Variants in MTCL1 observed in about 807,000 individuals in gnomAD.
The protein encoded by MTCL1 is microtubule cross-linking factor 1.
Under a neutral mutation model 141.4 loss-of-function variants are expected in MTCL1, and 79 were observed. The ratio of observed to expected loss-of-function variants is 0.56; its 90% CI spans 0.47 to 0.67. The LOEUF is 0.67. Ranked by LOEUF, MTCL1 falls within the 30% of genes least tolerant of loss-of-function variation. MTCL1 has a pLI of 0.00. For missense variants in MTCL1, 2,177 were observed against 2,113.9 expected, an observed-to-expected ratio of 1.03 and a Z score of -0.59; for synonymous variants, 914 against 875.8, an observed-to-expected ratio of 1.04 and a Z score of -0.77.
chr18:8,807,791 C>T (rs1436487379), intron 11 of MTCL1, among the ~76,000 whole-genome samples: 4 of 152,084 alleles, frequency 2.6e-5, no homozygotes, highest in East Asian at 1.9e-4. Context: ...CTGCTGAGAG[C>T]GTCTCTCGAG....
Position 8,806,889 on chromosome 18 carries a change from G to T in MTCL1, c.2437-4G>T, listed in dbSNP as rs367785279. 32 of 1,612,250 alleles carry T rather than the reference G, an allele frequency of 2.0e-5. 1 individual carries two copies. The South Asian group carries it at 2.5e-4, about 13-fold the overall frequency. Reference sequence around the variant, plus strand: ...TGGTGGAGCCTGACTCAGTGTTCCCGCAGGTGGTGGAAAACCAGCAGCTGT... The same window carrying T: ...TGGTGGAGCCTGACTCAGTGTTCCCTCAGGTGGTGGAAAACCAGCAGCTGT... On this transcript the variant is annotated splice_region_variant and splice_polypyrimidine_tract_variant and intron_variant, in intron 10 of 16. Coordinates refer to ENST00000359865, the Ensembl canonical transcript of MTCL1.
At chr18:8,752,616 G>A (rs1233275217) in intron 4 of MTCL1, among the ~76,000 whole-genome samples, 2 of 152,276 alleles carry the variant, frequency 1.3e-5, no homozygotes, top group East Asian at 3.9e-4. Flanking sequence ...TTCTTGGGGG[G>A]TAACTATTTA....
chr18:8,831,660 C>T (rs145457722), exon 17 of MTCL1: 118 of 1,550,606 alleles, frequency 7.6e-5, no homozygotes, highest in Non-Finnish European at 9.1e-5. Context: ...TCTCCAGGCC[C>T]GAGAGACCAG....
chr18:8,774,641 C>A (rs1381254445), intron 4 of MTCL1, among the ~76,000 whole-genome samples: 1 of 152,156 alleles, frequency 6.6e-6, no homozygotes, highest in Non-Finnish European at 1.5e-5. Context: ...GCGTAAGCCA[C>A]GACGCCCAGC....
chr18:8,724,571 C>A (rs900064685), intron 4 of MTCL1, among the ~76,000 whole-genome samples: 3 of 152,294 alleles, frequency 2.0e-5, no homozygotes, highest in Middle Eastern at 3.4e-3. Flanking sequence ...GTTTTCTCTA[C>A]ATGCCAAAAT....
intron 12 of MTCL1, among the ~76,000 whole-genome samples, chr18:8,815,236 T>C (rs1376150090): frequency 6.6e-6 from 1 of 151,758 alleles, no homozygotes; most frequent in Non-Finnish European, 1.5e-5. Context: ...TGTCCAACAA[T>C]GGTAGACTGG....
exon 15 of MTCL1, chr18:8,825,900 C>T: frequency 2.5e-6 from 4 of 1,612,366 alleles, no homozygotes; most frequent in Non-Finnish European, 3.4e-6. Context: ...CCAGAAGGGG[C>T]TGCGGGCCGG....
intron 4 of MTCL1, 69 bp from the exon 4 acceptor site, chr18:8,777,764 C>A: frequency 5.6e-6 from 8 of 1,420,492 alleles, no homozygotes; most frequent in Non-Finnish European, 7.9e-6. Flanking sequence ...CCCATGGGGA[C>A]GATGTTTGCT....
upstream of MTCL1, among the ~76,000 whole-genome samples, chr18:8,715,092 G>C (rs557858641): frequency 6.6e-6 from 1 of 152,130 alleles, no homozygotes; most frequent in Non-Finnish European, 1.5e-5. Flanking sequence ...CACCGCACCC[G>C]GCCCCTAATT....
In MTCL1 at chr18:8,822,339, G is replaced by A. The variant is rs1471828742; in HGVS notation, c.3188+841G>A. ...AAATGGAGTCTCGCTCTGTCTCCCAGGCTGGAGTACAGTGGCACAATCTTG... is the reference window on the plus strand; with the variant it reads ...AAATGGAGTCTCGCTCTGTCTCCCAAGCTGGAGTACAGTGGCACAATCTTG... On this transcript the variant is annotated intron_variant, in intron 14 of 16. Coordinates refer to ENST00000359865, the Ensembl canonical transcript of MTCL1. The surrounding 1 kb of genome is among the most constrained non-coding windows in gnomAD (Gnocchi z 4.6). 6.6e-6 allele frequency among the ~76,000 whole-genome samples: 1 copy of A among 152,042 alleles called. No individual in the cohort carries two copies. The highest frequency in any genetic ancestry group is 1.5e-5 in the Non-Finnish European group (1 of 68,032).
At chr18:8,730,266 A>G (rs1216200640) in intron 4 of MTCL1, among the ~76,000 whole-genome samples, 3 of 152,002 alleles carry the variant, frequency 2.0e-5, no homozygotes, top group African/African-American at 7.2e-5. Flanking sequence ...TGATCCCTCA[A>G]TGGCATTTTG....
intron 15 of MTCL1, among the ~76,000 whole-genome samples, chr18:8,827,590 C>T (rs2077065798): frequency 6.6e-6 from 1 of 152,166 alleles, no homozygotes; most frequent in South Asian, 2.1e-4. Context: ...TACTGTTACC[C>T]CATCCTTCTG....
At chr18:8,790,261 ATTT>A (rs1188166393) in intron 7 of MTCL1, among the ~76,000 whole-genome samples, 2 of 152,258 alleles carry the variant, frequency 1.3e-5, no homozygotes, top group African/African-American at 4.8e-5. Context: ...CATATATATT[ATTT>A]ATTAAAATTA....
chr18:8,761,812 A>G (rs1019957262), intron 4 of MTCL1, among the ~76,000 whole-genome samples: 3 of 152,188 alleles, frequency 2.0e-5, no homozygotes, highest in Non-Finnish European at 4.4e-5. Flanking sequence ...AGAACAGCAC[A>G]GGAAAGACCT....
exon 13 of MTCL1, chr18:8,819,028 T>C: frequency 6.2e-7 from 1 of 1,614,244 alleles, no homozygotes; most frequent in Non-Finnish European, 8.5e-7. Flanking sequence ...ACGGCAACGT[T>C]CGCCCCTTTC....
At chr18:8,808,770 G>A (rs1679467663) in intron 11 of MTCL1, among the ~76,000 whole-genome samples, 4 of 152,244 alleles carry the variant, frequency 2.6e-5, no homozygotes, top group Admixed American at 2.6e-4. Flanking sequence ...TGCTCTAAAT[G>A]TTGAACATCC....
At chr18:8,760,233 G>A (rs1396110784) in intron 4 of MTCL1, among the ~76,000 whole-genome samples, 2 of 152,182 alleles carry the variant, frequency 1.3e-5, no homozygotes, top group South Asian at 2.1e-4. Flanking sequence ...GCTATGGAGG[G>A]TCTCAGGCTG....
At chr18:8,809,389 A>C in intron 11 of MTCL1, 1 of 1,515,446 alleles carries the variant, frequency 6.6e-7, no homozygotes, top group East Asian at 2.5e-5. Context: ...TCTTTTTGAA[A>C]GGAAGTATGG....
At chr18:8,767,936 A>G (rs1294636255) in intron 4 of MTCL1, among the ~76,000 whole-genome samples, 3 of 152,246 alleles carry the variant, frequency 2.0e-5, no homozygotes, top group Admixed American at 2.0e-4. Flanking sequence ...TATTAAGTAT[A>G]TATTTTTAAT....
Sources: gnomAD v4.1 joint callset for allele counts (sites outside exome capture counted in the v4.1 genomes callset) on GRCh38, gnomAD v4.1.1 for gene constraint, Gnocchi (gnomAD v3.1) non-coding constraint, MANE v1.5 for transcripts, NCBI Gene and HGNC (gene_info 2026-07-23, HGNC 2026-07-21) for gene names.